The following PIK3R1 variants were observed in gnomAD, a reference collection of about 807,000 sequenced individuals.
PIK3R1 encodes the protein phosphatidylinositol 3-kinase regulatory subunit alpha.
In PIK3R1, 29 loss-of-function variants were observed where a neutral mutation model predicts 98.0. The observed-to-expected ratio is 0.30, with a 90% CI of 0.22 to 0.40. PIK3R1 has a LOEUF of 0.40. Among genes scored for constraint, PIK3R1 ranks in the 10% least tolerant of loss-of-function variants. PIK3R1 has a pLI of 1.00. For missense variants in PIK3R1, 596 were observed against 872.7 expected, an observed-to-expected ratio of 0.68 and a Z score of 3.99; for synonymous variants, 282 against 311.8, an observed-to-expected ratio of 0.90 and a Z score of 1.01.
chr5:68,296,025 G>A (rs1472071683), intron 14 of PIK3R1, 146 bp from the exon 15 acceptor site: 12 of 677,976 alleles, frequency 1.8e-5, no homozygotes, highest in Admixed American at 2.9e-5. Flanking sequence ...AACTCAGGTC[G>A]GGCAGAGGCA....
chr5:68,228,952 ATGACAAT>A (rs200994116), intron 2 of PIK3R1, among the ~76,000 whole-genome samples: 2,514 of 152,262 alleles, frequency 0.017, 67 homozygotes, highest in African/African-American at 0.057. Context: ...ATGTAATGTG[ATGACAAT>A]TGAGATTTTT....
At chr5:68,239,674 C>T (rs1329297455) in intron 2 of PIK3R1, among the ~76,000 whole-genome samples, 1 of 152,186 alleles carries the variant, frequency 6.6e-6, no homozygotes, top group African/African-American at 2.4e-5. Flanking sequence ...TGCAATACAG[C>T]GAAAGGGGCG....
rs1747927972 is a variant in PIK3R1, at chr5:68,299,584, T to C, written c.*1983T>C. ...TAAAGACTAATTAGCAACCATAATA[T>C]GGTCACTACCCTAATAGACTAAATG... is the stretch of plus-strand genomic sequence containing the variant. On this transcript the variant is annotated 3_prime_UTR_variant, in exon 16 of 16. Coordinates refer to ENST00000521381, the MANE Select transcript of PIK3R1 (RefSeq NM_181523.3). 2 of 233,158 alleles carry C rather than the reference T, an allele frequency of 8.6e-6. No homozygotes were observed. The highest frequency in any genetic ancestry group is 1.7e-5 in the Non-Finnish European group (2 of 118,038). 14.4% of individuals were successfully genotyped at this position (233,158 alleles called of 1,614,324 possible). A position where few individuals can be genotyped will look rare whatever the true frequency, so the allele number is the denominator to read the frequency against.
intron 2 of PIK3R1, among the ~76,000 whole-genome samples, chr5:68,257,861 G>C (rs1479371514): frequency 6.6e-6 from 1 of 152,120 alleles, no homozygotes; most frequent in African/African-American, 2.4e-5. Context: ...TTTTGATTCA[G>C]TACCTTTTAG....
At chr5:68,221,847 T>C (rs1230161739) in intron 1 of PIK3R1, among the ~76,000 whole-genome samples, 1 of 152,222 alleles carries the variant, frequency 6.6e-6, no homozygotes, top group East Asian at 1.9e-4. Context: ...ACAGAAAATA[T>C]GCTTCTGATT....
intron 4 of PIK3R1, among the ~76,000 whole-genome samples, chr5:68,279,253 G>A (rs1314020812): frequency 6.6e-6 from 1 of 152,132 alleles, no homozygotes; most frequent in East Asian, 1.9e-4. Context: ...GATGGGGTAG[G>A]TAACCACTGA....
rs746072309 is a variant in PIK3R1, at chr5:68,279,683, A to G, written c.584A>G (p.Asn195Ser). The change falls in exon 5 of 16, where the codon AAT (asparagine) becomes AGT (serine). Residue 195 changes from asparagine (N) to serine (S), a missense_variant. Physicochemically the swap from Asn to Ser is conservative, Grantham distance 46. Around this residue, in one of 3 missense-constraint regions of PIK3R1, gnomAD observed 352 missense variants for 393.3 expected, o/e 0.90. Coordinates refer to ENST00000521381, the MANE Select transcript of PIK3R1 (RefSeq NM_181523.3). The stretch of plus-strand genomic sequence containing the variant: ...AAACGCTATCTCCTGGACTTACCAA[A>G]TCCTGTCATTCCAGCAGCCGTTTAC... The part of the protein sequence containing the change: ...AFKRYLLDLP[N>S]PVIPAAVYSE... 6.2e-7 allele frequency: 1 copy of G among 1,614,084 alleles called. No individual in the cohort carries two copies. Among genetic ancestry groups the G allele is most frequent in the South Asian group, 1.1e-5 (1 of 91,068 alleles).
intron 2 of PIK3R1, among the ~76,000 whole-genome samples, chr5:68,262,525 CAT>C (rs1745814784): frequency 2.4e-5 from 2 of 82,628 alleles, no homozygotes; most frequent in Admixed American, 1.1e-4. Flanking sequence ...CATATAGATA[CAT>C]AGCTATATAG....
intron 5 of PIK3R1, 67 bp from the exon 6 acceptor site, chr5:68,280,460 GT>G: frequency 9.1e-7 from 1 of 1,097,698 alleles, no homozygotes; most frequent in South Asian, 1.4e-5. Flanking sequence ...TTTTCTAGGT[GT>G]TTATTCACTG....
At chr5:68,256,011 G>A (rs1036352611) in intron 2 of PIK3R1, among the ~76,000 whole-genome samples, 27 of 152,114 alleles carry the variant, frequency 1.8e-4, no homozygotes, top group African/African-American at 6.0e-4. Context: ...GAATTCATAG[G>A]GGCGTGTTCA....
At position 68,226,748 on chromosome 5, in the gene PIK3R1, C is replaced by T. The variant is rs780894850; in HGVS notation, c.73C>T (p.His25Tyr). 6.2e-7 allele frequency: 1 copy of T among 1,614,068 alleles called. No homozygotes were observed. The highest frequency in any genetic ancestry group is 8.5e-7 in the Non-Finnish European group (1 of 1,179,960). Residue 25 changes from histidine to tyrosine, a missense_variant, in exon 2 of 16, where the codon CAC becomes TAC. By Grantham distance (83) the His-to-Tyr change is moderately conservative. This residue lies in a region of PIK3R1 where 352 missense variants were observed against 393.3 expected (regional missense o/e 0.90). Transcript: ENST00000521381. ...KKEREEDIDL[H>Y]LGDILTVNKG... ...GGAAAGAGAAGAAGATATTGACTTG[C>T]ACTTGGGTGACATATTGACTGTGAA...
At chr5:68,242,694 T>C (rs1348881258) in intron 2 of PIK3R1, among the ~76,000 whole-genome samples, 1 of 152,202 alleles carries the variant, frequency 6.6e-6, no homozygotes, top group Non-Finnish European at 1.5e-5. Context: ...TTGAACGGGA[T>C]AGCCCAAGGC....
chr5:68,250,265 C>T (rs546105275), intron 2 of PIK3R1, among the ~76,000 whole-genome samples: 24 of 152,294 alleles, frequency 1.6e-4, no homozygotes, highest in Non-Finnish European at 2.6e-4. Context: ...GTGCCTGCCA[C>T]GGGACAGGGG....
At chr5:68,223,011 CAT>C (rs1264415643) in intron 1 of PIK3R1, among the ~76,000 whole-genome samples, 12 of 151,436 alleles carry the variant, frequency 7.9e-5, no homozygotes, top group Middle Eastern at 6.8e-3. Context: ...CACACACACA[CAT>C]ACATATATGA....
intron 2 of PIK3R1, among the ~76,000 whole-genome samples, chr5:68,259,479 T>G (rs1284566632): frequency 6.6e-6 from 1 of 152,236 alleles, no homozygotes; most frequent in Non-Finnish European, 1.5e-5. Flanking sequence ...GGCATGACTA[T>G]GGAAACAGTG....
chr5:68,261,645 C>G (rs546518866), intron 2 of PIK3R1, among the ~76,000 whole-genome samples: 1 of 152,216 alleles, frequency 6.6e-6, no homozygotes, highest in South Asian at 2.1e-4. Flanking sequence ...AGATGACCAA[C>G]AGGGGGAAAC....
Position 68,297,655 on chromosome 5 carries a change from A to C in PIK3R1, c.*54A>C. 6.9e-7 allele frequency: 1 copy of C among 1,446,858 alleles called. No individual in the cohort carries two copies. The highest frequency in any genetic ancestry group is 9.6e-7 in the Non-Finnish European group (1 of 1,041,428). The allele number at this position is 1,446,858 out of a possible 1,614,324, so 89.6% of individuals were successfully genotyped here. On this transcript the variant is annotated 3_prime_UTR_variant, in exon 16 of 16. Coordinates refer to ENST00000521381, the MANE Select transcript of PIK3R1 (RefSeq NM_181523.3). ...AGTTCAGCCACCCTGAGGCCTCTGG[A>C]AAGCAAAGGGCTCCTCTCCAGTCTG...
chr5:68,240,107 T>C (rs1275188002), intron 2 of PIK3R1, among the ~76,000 whole-genome samples: 1 of 149,648 alleles, frequency 6.7e-6, no homozygotes, highest in Admixed American at 6.7e-5. Flanking sequence ...ATATTACTTA[T>C]ATATAAATGT....
rs1744287849 is a variant in PIK3R1, at chr5:68,226,695, A to T, written c.20A>T (p.Gln7Leu). 6.2e-7 allele frequency: 1 copy of T among 1,613,790 alleles called. No individual in the cohort carries two copies. The highest frequency in any genetic ancestry group is 1.3e-5 in the African/African-American group (1 of 75,040). The change falls in exon 2 of 16, where the codon CAG (glutamine) becomes CTG (leucine). Residue 7 changes from glutamine to leucine, a missense_variant. Coordinates refer to ENST00000521381, the MANE Select transcript of PIK3R1 (RefSeq NM_181523.3). MSAEGY[Q>L]YRALYDYKKE... ...GCAAACATGAGTGCTGAGGGGTACC[A>T]GTACAGAGCGCTGTATGATTATAAA...
Sources: gnomAD v4.1 joint callset for allele counts (sites outside exome capture counted in the v4.1 genomes callset) on GRCh38, gnomAD v4.1.1 for gene constraint, gnomAD v4.1.1 regional missense constraint, MANE v1.5 for transcripts, NCBI Gene and HGNC (gene_info 2026-07-23, HGNC 2026-07-21) for gene names.